TBC1D5: variants seen among roughly 807,000 people sequenced by gnomAD.
The protein encoded by TBC1D5 is TBC1 domain family, member 5.
In TBC1D5, 75 loss-of-function variants were observed where a neutral mutation model predicts 100.3. The observed-to-expected ratio is 0.75, with a 90% confidence interval of 0.62 to 0.91. TBC1D5 has a LOEUF of 0.91. Ranked by LOEUF, TBC1D5 falls within the 40% of genes least tolerant of loss-of-function variation. The pLI is 0.00. For missense variants in TBC1D5, 910 were observed against 942.4 expected, an observed-to-expected ratio of 0.97 and a Z score of 0.45; for synonymous variants, 323 against 325.6, an observed-to-expected ratio of 0.99 and a Z score of 0.09.
intron 2 of TBC1D5, among the ~76,000 whole-genome samples, chr3:17,525,492 T>C (rs1211777220): frequency 6.6e-6 from 1 of 152,222 alleles, no homozygotes; most frequent in Non-Finnish European, 1.5e-5. Flanking sequence ...CTCCAGTTCC[T>C]ACAATTGTGA....
chr3:17,331,861 G>T (rs1405338991), intron 13 of TBC1D5, among the ~76,000 whole-genome samples: 1 of 152,318 alleles, frequency 6.6e-6, no homozygotes, highest in East Asian at 1.9e-4. Context: ...TGACGTGTTT[G>T]AGGAACATCA....
At chr3:17,413,066 A>G (rs2093979175) in intron 4 of TBC1D5, among the ~76,000 whole-genome samples, 1 of 152,216 alleles carries the variant, frequency 6.6e-6, no homozygotes, top group African/African-American at 2.4e-5. Flanking sequence ...CAAAACCTTA[A>G]ATGGAATGGA....
At chr3:17,605,518 C>A (rs911657454) in intron 2 of TBC1D5, among the ~76,000 whole-genome samples, 1 of 152,162 alleles carries the variant, frequency 6.6e-6, no homozygotes, top group African/African-American at 2.4e-5. Flanking sequence ...ATTTAATCAT[C>A]CCACAAACGT....
intron 3 of TBC1D5, among the ~76,000 whole-genome samples, chr3:17,446,997 G>T: frequency 6.6e-6 from 1 of 151,622 alleles, no homozygotes; most frequent in Non-Finnish European, 1.5e-5. Context: ...ACATTGAAAA[G>T]CATAAGAAAC....
At chr3:17,579,636 A>T (rs1365641264) in intron 2 of TBC1D5, among the ~76,000 whole-genome samples, 1 of 152,180 alleles carries the variant, frequency 6.6e-6, no homozygotes, top group Non-Finnish European at 1.5e-5. Flanking sequence ...ATATAGTGAA[A>T]ACCTAAAAAC....
At chr3:17,633,578 AGAGCTAAG>A (rs1244665376) in intron 1 of TBC1D5, among the ~76,000 whole-genome samples, 5 of 152,230 alleles carry the variant, frequency 3.3e-5, no homozygotes, top group Non-Finnish European at 5.9e-5. Flanking sequence ...TTGAGAGAAC[AGAGCTAAG>A]GATCTGGAAG....
intron 19 of TBC1D5, among the ~76,000 whole-genome samples, chr3:17,171,575 T>A (rs188948375): frequency 6.6e-6 from 1 of 152,258 alleles, no homozygotes; most frequent in African/African-American, 2.4e-5. Context: ...ATCGCTCCAG[T>A]CTTCGCATCC....
rs150629430 is a variant in TBC1D5 at position 17,473,981 on chromosome 3, G to T, written c.97+34493C>A. The stretch of plus-strand genomic sequence containing the variant: ...AACAGTACAGTAATATCCCACAAGG[G>T]GGAGGATGAGGACTTTTTAATCCTC... On this transcript the variant is annotated intron_variant, in intron 3 of 21. Coordinates refer to ENST00000253692, the Ensembl canonical transcript of TBC1D5. 1.1e-3 allele frequency among the ~76,000 whole-genome samples: 163 copies of T among 151,974 alleles called. 1 individual carries two copies. Among genetic ancestry groups the T allele is most frequent in the Admixed American group, 9.0e-3 (138 of 15,270 alleles).
intron 1 of TBC1D5, among the ~76,000 whole-genome samples, chr3:17,638,987 A>G (rs1205308591): frequency 6.6e-6 from 1 of 152,184 alleles, no homozygotes; most frequent in African/African-American, 2.4e-5. Context: ...TAAATTTATC[A>G]TATGACATAC....
At chr3:17,346,819 A>T (rs1284004827) in intron 13 of TBC1D5, among the ~76,000 whole-genome samples, 1 of 152,182 alleles carries the variant, frequency 6.6e-6, no homozygotes, top group East Asian at 1.9e-4. Context: ...TTATGTCAAC[A>T]CTATTTACTG....
rs773551018 is a variant in TBC1D5 at position 17,167,788 on chromosome 3, T to A, written c.1893A>T (p.Lys631Asn). 3 of 1,611,810 alleles carry A rather than the reference T, an allele frequency of 1.9e-6. No individual in the cohort carries two copies. The South Asian group carries it at 3.3e-5, about 18-fold the overall frequency. ...CCAGGGAAACCAGAATTTGATCTTCTTTTTCCAAATTTTCTTGTAATATCA... is the reference window on the plus strand; with the variant it reads ...CCAGGGAAACCAGAATTTGATCTTCATTTTCCAAATTTTCTTGTAATATCA... Residue 631 changes from lysine (K) to asparagine (N), a missense_variant, in exon 20 of 22, where the codon AAA becomes AAT. Transcript: ENST00000253692.
intron 4 of TBC1D5, 91 bp from the exon 5 acceptor site, chr3:17,406,617 C>A: frequency 8.7e-7 from 1 of 1,146,102 alleles, no homozygotes; most frequent in South Asian, 1.5e-5. Flanking sequence ...TTAAGTAAGT[C>A]TAAAAAATGC....
intron 2 of TBC1D5, among the ~76,000 whole-genome samples, chr3:17,580,257 T>G (rs2096685091): frequency 6.6e-6 from 1 of 152,168 alleles, no homozygotes; most frequent in Admixed American, 6.6e-5. Flanking sequence ...AATTCATAAA[T>G]GCCTACTGTA....
chr3:17,297,568 T>C (rs1435071827), intron 14 of TBC1D5, among the ~76,000 whole-genome samples: 10 of 126,394 alleles, frequency 7.9e-5, no homozygotes, highest in Non-Finnish European at 1.5e-4. Context: ...AGAGCGAGAC[T>C]CCTAAAAAAA....
intron 17 of TBC1D5, among the ~76,000 whole-genome samples, chr3:17,230,920 C>A (rs2075362131): frequency 6.6e-6 from 1 of 152,096 alleles, no homozygotes; most frequent in Non-Finnish European, 1.5e-5. Context: ...TAAGTCATCT[C>A]TGAATTATTT....
chr3:17,428,994 G>A (rs185095786), intron 3 of TBC1D5, among the ~76,000 whole-genome samples: 82 of 151,926 alleles, frequency 5.4e-4, no homozygotes, highest in Admixed American at 6.5e-5. Flanking sequence ...AACTTGAGAG[G>A]TAGTGATTAA....
intron 1 of TBC1D5, among the ~76,000 whole-genome samples, chr3:17,703,648 C>A (rs1055732423): frequency 2.6e-5 from 4 of 151,888 alleles, no homozygotes; most frequent in Non-Finnish European, 4.4e-5. Context: ...AACTGAAATC[C>A]CTGAATGTTT....
chr3:17,539,085 A>T (rs57344515), intron 2 of TBC1D5, among the ~76,000 whole-genome samples: 10,509 of 152,226 alleles, frequency 0.069, 713 homozygotes, highest in African/African-American at 0.18. Flanking sequence ...CAGGAGGCTG[A>T]TGAGGCACAA....
At chr3:17,587,304 T>C (rs2096738849) in intron 2 of TBC1D5, among the ~76,000 whole-genome samples, 1 of 152,048 alleles carries the variant, frequency 6.6e-6, no homozygotes, top group South Asian at 2.1e-4. Flanking sequence ...CTAGATTTCA[T>C]TCTCTATTAG....
Sources: gnomAD v4.1 joint callset for allele counts (sites outside exome capture counted in the v4.1 genomes callset) on GRCh38, gnomAD v4.1.1 for gene constraint, MANE v1.5 for transcripts, NCBI Gene and HGNC (gene_info 2026-07-23, HGNC 2026-07-21) for gene names.